Variants in EYS observed in about 807,000 individuals in gnomAD.
EYS encodes protein eyes shut homolog.
A neutral mutation model predicts 282.1 loss-of-function variants in EYS; 250 were observed. That is an observed-to-expected ratio of 0.89 (90% CI 0.80 to 0.98). The LOEUF (loss-of-function observed/expected upper bound fraction) is 0.98. EYS is among the 50% of genes least tolerant of loss of function. The pLI, the probability that EYS is intolerant of heterozygous loss-of-function variation, is 0.00. For synonymous variants in EYS, 1,355 were observed against 1,282.9 expected (o/e 1.06, Z -1.20); for missense variants, 4,016 against 3,709.0 (o/e 1.08, Z -2.15).
intron 11 of EYS, chr6:65,300,854 T>C (rs544117004): frequency 1.6e-4 from 24 of 152,300 alleles, no homozygotes; most frequent in African/African-American, 5.8e-4. Context: ...TACCTTTGTT[T>C]TGGGAGTAGA....
At chr6:63,838,182 C>A (rs1405552619) in intron 36 of EYS, among the ~76,000 whole-genome samples, 3 of 151,222 alleles carry the variant, frequency 2.0e-5, no homozygotes, top group Admixed American at 6.6e-5. Context: ...ATAAATGAGT[C>A]TGGTGGTGAT....
chr6:64,864,657 T>G (rs553793147), intron 19 of EYS, among the ~76,000 whole-genome samples: 1 of 151,594 alleles, frequency 6.6e-6, no homozygotes, highest in African/African-American at 2.4e-5. Flanking sequence ...GTGCTGGGAT[T>G]ACAAGCGTGA....
At chr6:64,482,293 GAGT>G (rs1170384829) in intron 26 of EYS, among the ~76,000 whole-genome samples, 2 of 151,642 alleles carry the variant, frequency 1.3e-5, no homozygotes, top group Non-Finnish European at 3.0e-5. Flanking sequence ...AGCCACTGGG[GAGT>G]GGATGTTGGG....
intron 2 of EYS, among the ~76,000 whole-genome samples, chr6:65,590,574 T>C (rs1369053615): frequency 6.6e-6 from 1 of 151,964 alleles, no homozygotes; most frequent in Non-Finnish European, 1.5e-5. Flanking sequence ...ACACTAAACA[T>C]TATTCTTGCT....
Position 64,066,307 on chromosome 6 carries a change from C to T in EYS, c.6725+31G>A, listed in dbSNP as rs556927717. 110 of 1,523,258 alleles carry T rather than the reference C, an allele frequency of 7.2e-5. 1 individual carries two copies. The highest frequency in any genetic ancestry group is 2.7e-4 in the Admixed American group (12 of 44,382). The allele number at this position is 1,523,258 out of a possible 1,614,324, so 94.4% of individuals were successfully genotyped here. On this transcript the variant is annotated intron_variant, in intron 33 of 42. Coordinates refer to ENST00000503581, the MANE Select transcript of EYS (RefSeq NM_001142800.2). ...CAAACGAACAAACAAAATTTCAGCACGAAAGAACTACCGTGGAGTACAGTA... is the reference window on the plus strand; with the variant it reads ...CAAACGAACAAACAAAATTTCAGCATGAAAGAACTACCGTGGAGTACAGTA...
At chr6:64,587,277 T>C (rs554148061) in intron 26 of EYS, among the ~76,000 whole-genome samples, 5 of 152,062 alleles carry the variant, frequency 3.3e-5, no homozygotes, top group African/African-American at 1.2e-4. Flanking sequence ...TAGCTACTTT[T>C]CTATTATGGA....
At chr6:64,969,432 T>G (rs944325827) in intron 14 of EYS, among the ~76,000 whole-genome samples, 1 of 152,122 alleles carries the variant, frequency 6.6e-6, no homozygotes, top group African/African-American at 2.4e-5. Context: ...ATTAAGGCAT[T>G]GAAAAAGGCA....
At chr6:64,942,453 A>G (rs972297406) in intron 15 of EYS, among the ~76,000 whole-genome samples, 1 of 144,316 alleles carries the variant, frequency 6.9e-6, no homozygotes, top group Non-Finnish European at 1.5e-5. Context: ...AAGCATAAAC[A>G]AGATTGATAA....
intron 26 of EYS, among the ~76,000 whole-genome samples, chr6:64,467,708 G>A (rs527976942): frequency 1.6e-4 from 24 of 152,182 alleles, no homozygotes; most frequent in South Asian, 1.2e-3. Flanking sequence ...TGGGGACCTA[G>A]CCATAGGCCT....
At chr6:64,138,087 G>C (rs542346199) in intron 31 of EYS, among the ~76,000 whole-genome samples, 21 of 152,242 alleles carry the variant, frequency 1.4e-4, no homozygotes, top group African/African-American at 4.8e-4. Flanking sequence ...CAAGAAAAAG[G>C]CTAGCGAGTG....
intron 13 of EYS, among the ~76,000 whole-genome samples, chr6:65,026,660 G>C (rs1016571880): frequency 6.6e-6 from 1 of 152,180 alleles, no homozygotes; most frequent in Non-Finnish European, 1.5e-5. Context: ...GCTCTCTCCT[G>C]TAATCCCAGC....
At chr6:63,899,503 A>G (rs137867174) in intron 35 of EYS, among the ~76,000 whole-genome samples, 1 of 151,696 alleles carries the variant, frequency 6.6e-6, no homozygotes, top group Non-Finnish European at 1.5e-5. Flanking sequence ...CTTTTTCACA[A>G]CTCCTTCCAA....
chr6:63,800,600 ATGACCAGCC>A (rs1770759182), intron 37 of EYS, among the ~76,000 whole-genome samples: 1 of 151,990 alleles, frequency 6.6e-6, no homozygotes, highest in African/African-American at 2.4e-5. Flanking sequence ...TCAGGAGTTC[ATGACCAGCC>A]TGACCAACAT....
intron 22 of EYS, among the ~76,000 whole-genome samples, chr6:64,761,560 A>G (rs1344025002): frequency 1.3e-5 from 2 of 152,104 alleles, no homozygotes; most frequent in Non-Finnish European, 2.9e-5. Flanking sequence ...GGGTTTAAGC[A>G]ATTCTCCTGC....
intron 12 of EYS, among the ~76,000 whole-genome samples, chr6:65,094,466 C>G (rs1774679318): frequency 6.6e-6 from 1 of 151,154 alleles, no homozygotes; most frequent in African/African-American, 2.4e-5. Flanking sequence ...GAACAGATCA[C>G]AATTGAGGCC....
At chr6:65,233,844 T>C (rs1397990067) in intron 12 of EYS, among the ~76,000 whole-genome samples, 1 of 152,180 alleles carries the variant, frequency 6.6e-6, no homozygotes, top group Non-Finnish European at 1.5e-5. Flanking sequence ...TTCTACCCTG[T>C]GTTGATGGGT....
At chr6:63,762,014 C>T (rs1769655278) in intron 41 of EYS, among the ~76,000 whole-genome samples, 1 of 151,996 alleles carries the variant, frequency 6.6e-6, no homozygotes, top group Non-Finnish European at 1.5e-5. Context: ...TTGCTTCTTA[C>T]TGTTACTACT....
At chr6:64,959,875 ATTTTTTTTTTT>A (rs35264278) in intron 14 of EYS, among the ~76,000 whole-genome samples, 1 of 119,256 alleles carries the variant, frequency 8.4e-6, no homozygotes, top group Admixed American at 8.8e-5. Context: ...ACGACTCAGG[ATTTTTTTTTTT>A]TTTTTTTTTT....
intron 13 of EYS, among the ~76,000 whole-genome samples, chr6:65,021,046 T>C (rs950766732): frequency 2.0e-5 from 3 of 152,154 alleles, no homozygotes; most frequent in Non-Finnish European, 4.4e-5. Context: ...TCCAAGCCTG[T>C]GATGGGAGGG....
Sources: allele counts gnomAD v4.1 joint callset (sites outside exome capture counted in the v4.1 genomes callset), GRCh38; gene constraint gnomAD v4.1.1; transcripts MANE v1.5; gene names NCBI Gene and HGNC (gene_info 2026-07-23, HGNC 2026-07-21).